Variants in ANLN observed in about 807,000 individuals in gnomAD.
ANLN encodes the protein anillin.
In ANLN, 59 loss-of-function variants were observed where a neutral mutation model predicts 135.1. The observed-to-expected ratio is 0.44, with a 90% CI of 0.35 to 0.54. ANLN has a LOEUF of 0.54. ANLN is among the 20% of genes least tolerant of loss of function. ANLN has a pLI of 0.00. For missense variants in ANLN, 1,182 were observed against 1,340.0 expected (o/e 0.88, Z 1.84); for synonymous variants, 406 against 456.4 (o/e 0.89, Z 1.41).
chr7:36,435,533 G>A (rs1471102667), intron 20 of ANLN, among the ~76,000 whole-genome samples: 1 of 152,132 alleles, frequency 6.6e-6, no homozygotes, highest in Admixed American at 6.5e-5. Flanking sequence ...ATCAAAGAAT[G>A]TGTACTCTTT....
At chr7:36,396,514 C>G in intron 2 of ANLN, 95 bp downstream of exon 2, 1 of 1,260,846 alleles carries the variant, frequency 7.9e-7, no homozygotes, top group Non-Finnish European at 1.1e-6. Context: ...AAGAACCAAG[C>G]TCTTTGGGAG....
At position 36,415,822 on chromosome 7, in the gene ANLN, C is replaced by A; in HGVS notation, c.1460C>A (p.Pro487Gln). The change falls in exon 8 of 24, where the codon CCA becomes CAA. Residue 487 changes from proline to glutamine, a missense_variant. Physicochemically the swap from Pro to Gln is moderately conservative, Grantham distance 76 (BLOSUM62 -1). Transcript: ENST00000265748. ...GGTGTTTCAAAAACTCAGTCACTTC[C>A]AGTAACAGAAAAGGTGACCGAAAAC... ...HQGVSKTQSL[P>Q]VTEKVTENQI... The A allele has an allele frequency of 6.2e-7, 1 of 1,610,442 alleles. No homozygotes were observed. The highest frequency in any genetic ancestry group is 8.5e-7 in the Non-Finnish European group (1 of 1,178,682).
chr7:36,415,723 A>G, intron 7 of ANLN, 35 bp from the exon 8 acceptor site: 1 of 1,548,726 alleles, frequency 6.5e-7, no homozygotes, highest in Non-Finnish European at 8.7e-7. Context: ...TATAGTTTTG[A>G]GAAATAAAAT....
intron 1 of ANLN, among the ~76,000 whole-genome samples, chr7:36,391,942 A>G (rs1198990800): frequency 8.0e-6 from 1 of 124,356 alleles, no homozygotes; most frequent in Non-Finnish European, 1.7e-5. Context: ...CTGTTCTGGC[A>G]CTCTTTTTTT....
chr7:36,404,383 C>T (rs111258323), intron 3 of ANLN, among the ~76,000 whole-genome samples: 16 of 152,274 alleles, frequency 1.1e-4, no homozygotes, highest in African/African-American at 3.1e-4. Flanking sequence ...CAGACAGTAC[C>T]GAACCCAATT....
At chr7:36,440,678 C>T (rs1788735809) in intron 21 of ANLN, among the ~76,000 whole-genome samples, 1 of 151,982 alleles carries the variant, frequency 6.6e-6, no homozygotes, top group South Asian at 2.1e-4. Flanking sequence ...TGATCTAGGG[C>T]TTATGGGGTA....
At position 36,415,605 on chromosome 7, in the gene ANLN, A is replaced by G. The variant is rs192639169; in HGVS notation, c.1396-153A>G. On this transcript the variant is annotated intron_variant, in intron 7 of 23. Coordinates refer to ENST00000265748, the MANE Select transcript of ANLN (RefSeq NM_018685.5). ...ACTGAGGGTTTGTCGTGTTCTGAAC[A>G]AGGCTGGGCCTATTCACATACACTA... Among the ~76,000 whole-genome samples, 458 of 152,326 alleles carry G rather than the reference A, an allele frequency of 3.0e-3. 1 individual carries two copies. The highest frequency in any genetic ancestry group is 0.014 in the Middle Eastern group (4 of 294).
At chr7:36,449,331 G>A (rs1583665857) in intron 22 of ANLN, 3 of 165,634 alleles carry the variant, frequency 1.8e-5, no homozygotes, top group African/African-American at 7.2e-5. Context: ...TAGATAAAAG[G>A]CACTTGAGTG....
At chr7:36,405,854 C>T (rs1298097492) in intron 3 of ANLN, among the ~76,000 whole-genome samples, 4 of 152,174 alleles carry the variant, frequency 2.6e-5, no homozygotes, top group Admixed American at 2.6e-4. Flanking sequence ...CAAAAAGTTT[C>T]TGTGAGATAC....
chr7:36,435,389 G>C lies in ANLN; in HGVS notation c.2884-3815G>C, dbSNP rs561729934. ...TAAAAAAGAAAATAGAGATGGTGGG[G>C]GGGGGGTCTCAGTATGTTGCCCAGG... On this transcript the variant is annotated intron_variant, in intron 20 of 23. Coordinates refer to ENST00000265748, the MANE Select transcript of ANLN (RefSeq NM_018685.5). Among the ~76,000 whole-genome samples, 12 of 151,594 alleles carry C rather than the reference G, an allele frequency of 7.9e-5. No individual in the cohort carries two copies. In the East Asian group the frequency reaches 1.9e-3, roughly 25 times the overall value.
At chr7:36,404,477 T>C (rs113582366) in intron 3 of ANLN, among the ~76,000 whole-genome samples, 1 of 152,208 alleles carries the variant, frequency 6.6e-6, no homozygotes, top group African/African-American at 2.4e-5. Context: ...TTACACACAC[T>C]GTGGCCATAA....
At chr7:36,403,900 A>G (rs1383728913) in intron 3 of ANLN, among the ~76,000 whole-genome samples, 3 of 152,180 alleles carry the variant, frequency 2.0e-5, no homozygotes, top group East Asian at 1.9e-4. Flanking sequence ...AGCTCAAGCA[A>G]TCCACCCGCC....
At chr7:36,441,238 C>T (rs3801306) in intron 21 of ANLN, among the ~76,000 whole-genome samples, 19,609 of 152,122 alleles carry the variant, frequency 0.13, 1,275 homozygotes, top group East Asian at 0.17. Context: ...TAACGTCTCA[C>T]CTAATTAGTT....
At chr7:36,445,863 A>C (rs955453272) in intron 22 of ANLN, among the ~76,000 whole-genome samples, 1 of 152,368 alleles carries the variant, frequency 6.6e-6, no homozygotes. Flanking sequence ...TCAGCTTTTC[A>C]TATTCCCACC....
intron 1 of ANLN, among the ~76,000 whole-genome samples, chr7:36,390,847 A>G (rs1218836401): frequency 6.6e-6 from 1 of 152,160 alleles, no homozygotes; most frequent in Non-Finnish European, 1.5e-5. Context: ...TGTCACATTC[A>G]GGAGTGTTTT....
intron 20 of ANLN, among the ~76,000 whole-genome samples, chr7:36,431,619 T>A (rs1293493859): frequency 1.9e-5 from 2 of 105,572 alleles, no homozygotes; most frequent in African/African-American, 3.6e-5. Flanking sequence ...ATATATATAA[T>A]ATATATATAT....
chr7:36,443,910 G>A (rs745891075), intron 22 of ANLN, 48 bp downstream of exon 22: 47 of 1,325,634 alleles, frequency 3.5e-5, no homozygotes, highest in East Asian at 5.0e-5. Context: ...ATTGACTTTC[G>A]TGTAGTGTTC....
Position 36,415,870 on chromosome 7 carries a change from G to T in ANLN, c.1508G>T (p.Ser503Ile). Reference sequence around the variant, plus strand: ...AACCAGATACCAGCCAAAAATTCTAGTACAGAACCTAAAGGTCAGTGTTTC... The same window carrying T: ...AACCAGATACCAGCCAAAAATTCTATTACAGAACCTAAAGGTCAGTGTTTC... ...TENQIPAKNS[S>I]TEPKGFTECE... The change falls in exon 8 of 24, where the codon AGT (serine) becomes ATT (isoleucine). Residue 503 changes from serine (S) to isoleucine (I), a missense_variant. This residue lies in a region of ANLN where 1,022 missense variants were observed against 1,134.0 expected (regional missense o/e 0.90). Transcript: ENST00000265748. 1.3e-6 allele frequency: 2 copies of T among 1,595,040 alleles called. No homozygotes were observed. The highest frequency in any genetic ancestry group is 1.7e-6 in the Non-Finnish European group (2 of 1,173,696).
At chr7:36,414,301 T>A (rs938520382) in intron 7 of ANLN, among the ~76,000 whole-genome samples, 4 of 152,172 alleles carry the variant, frequency 2.6e-5, no homozygotes, top group African/African-American at 9.7e-5. Flanking sequence ...ATGATTTGTA[T>A]GTGTTTTGTC....
Sources: allele counts gnomAD v4.1 joint callset (sites outside exome capture counted in the v4.1 genomes callset), GRCh38; gene constraint gnomAD v4.1.1; regional missense constraint gnomAD v4.1.1; transcripts MANE v1.5; gene names NCBI Gene and HGNC (gene_info 2026-07-23, HGNC 2026-07-21).